VWA3B: variants seen among roughly 807,000 people sequenced by gnomAD.
VWA3B encodes von Willebrand factor A domain containing 3B.
In VWA3B, 138 loss-of-function variants were observed where a neutral mutation model predicts 158.3. The observed-to-expected ratio is 0.87, with a 90% CI of 0.76 to 1.00. VWA3B has a LOEUF of 1.00. VWA3B is among the 50% of genes least tolerant of loss of function. VWA3B has a pLI of 0.00. For synonymous variants in VWA3B, 596 were observed against 587.3 expected (o/e 1.01, Z -0.21); for missense variants, 1,555 against 1,565.1 (o/e 0.99, Z 0.11).
At chr2:98,262,912 A>G (rs1311597681) in intron 21 of VWA3B, among the ~76,000 whole-genome samples, 2 of 151,900 alleles carry the variant, frequency 1.3e-5, no homozygotes, top group Non-Finnish European at 2.9e-5. Flanking sequence ...TCAATCCATG[A>G]ACACAAAATG....
intron 26 of VWA3B, among the ~76,000 whole-genome samples, chr2:98,305,482 G>A (rs970844610): frequency 1.2e-4 from 19 of 152,128 alleles, no homozygotes; most frequent in African/African-American, 3.6e-4. Flanking sequence ...GATTGGGGAC[G>A]GTCATTGTCT....
At chr2:98,272,731 A>G (rs1490755703) in intron 22 of VWA3B, among the ~76,000 whole-genome samples, 2 of 152,236 alleles carry the variant, frequency 1.3e-5, no homozygotes, top group Non-Finnish European at 2.9e-5. Context: ...AAAGAAATGT[A>G]TATCTATATG....
At chr2:98,236,101 T>A (rs1232397079) in intron 17 of VWA3B, among the ~76,000 whole-genome samples, 2 of 152,186 alleles carry the variant, frequency 1.3e-5, no homozygotes, top group Non-Finnish European at 2.9e-5. Flanking sequence ...GTTAATGGTA[T>A]TTTTATTGCA....
chr2:98,138,410 C>A (rs1269419868), intron 7 of VWA3B, among the ~76,000 whole-genome samples: 1 of 152,188 alleles, frequency 6.6e-6, no homozygotes, highest in Non-Finnish European at 1.5e-5. Context: ...CTCCTGTATG[C>A]TAGAGAGATC....
Position 98,133,805 on chromosome 2 carries a change from G to A in VWA3B, c.873-19G>A, listed in dbSNP as rs761685560. 5 of 1,610,172 alleles carry A rather than the reference G, an allele frequency of 3.1e-6. No individual in the cohort carries two copies. In the South Asian group the frequency reaches 4.4e-5, roughly 14 times the overall value. Reference sequence around the variant, plus strand: ...CACCTGCGTACTGCCTTCCTAATGAGCATCTCTTCACGTTTCAGATTCCAC... The same window carrying A: ...CACCTGCGTACTGCCTTCCTAATGAACATCTCTTCACGTTTCAGATTCCAC... On this transcript the variant is annotated intron_variant, in intron 6 of 27. Coordinates refer to ENST00000477737, the MANE Select transcript of VWA3B (RefSeq NM_144992.5).
At chr2:98,092,483 C>A (rs1682382889) in intron 1 of VWA3B, among the ~76,000 whole-genome samples, 1 of 151,864 alleles carries the variant, frequency 6.6e-6, no homozygotes, top group Non-Finnish European at 1.5e-5. Context: ...TTTCCACTAA[C>A]AATACAAAAA....
At chr2:98,234,211 G>C (rs979853413) in intron 16 of VWA3B, among the ~76,000 whole-genome samples, 4 of 152,202 alleles carry the variant, frequency 2.6e-5, no homozygotes, top group African/African-American at 9.7e-5. Context: ...TGAAAAGCAG[G>C]GGCTATTTCC....
At chr2:98,156,383 C>T (rs1395325995) in intron 7 of VWA3B, among the ~76,000 whole-genome samples, 1 of 152,196 alleles carries the variant, frequency 6.6e-6, no homozygotes, top group Admixed American at 6.5e-5. Context: ...GAGCTGGGAG[C>T]AGATCCATCT....
At chr2:98,135,106 A>G (rs765302420) in intron 7 of VWA3B, among the ~76,000 whole-genome samples, 2 of 152,222 alleles carry the variant, frequency 1.3e-5, no homozygotes, top group African/African-American at 2.4e-5. Context: ...AATTTACAAG[A>G]TTAAGCCTAG....
At chr2:98,152,511 T>C (rs1232732942) in intron 7 of VWA3B, among the ~76,000 whole-genome samples, 2 of 152,112 alleles carry the variant, frequency 1.3e-5, no homozygotes, top group Non-Finnish European at 2.9e-5. Context: ...TATTTAGTGG[T>C]TTGGGGACTC....
chr2:98,188,037 G>A lies in VWA3B; in HGVS notation c.1374G>A (p.Lys458=), dbSNP rs1157430938. The change falls in exon 10 of 28, where the codon AAG becomes AAA. Residue 458 remains lysine, a synonymous_variant. Coordinates refer to ENST00000477737, the MANE Select transcript of VWA3B (RefSeq NM_144992.5). ...GCAGGTTTGTCCATGCTCCCTGGAAGGATGGGAGCTTGGTCCACGTCAACA... is the reference window on the plus strand; with the variant it reads ...GCAGGTTTGTCCATGCTCCCTGGAAAGATGGGAGCTTGGTCCACGTCAACA... The part of the protein sequence containing the change: ...YCSRFVHAPW[K]DGSLVHVNIT... 4 of 1,614,070 alleles carry A rather than the reference G, an allele frequency of 2.5e-6. No individual in the cohort carries two copies. In the East Asian group the frequency reaches 8.9e-5, roughly 36 times the overall value.
Position 98,298,040 on chromosome 2 carries a change from T to C in VWA3B, c.3282+9T>C, listed in dbSNP as rs776765008. 2.6e-6 allele frequency: 4 copies of C among 1,538,290 alleles called. No individual in the cohort carries two copies. The South Asian group carries it at 5.1e-5, about 19-fold the overall frequency. On this transcript the variant is annotated intron_variant, in intron 24 of 27. Transcript: ENST00000477737. ...CCTGCCCGCTGCTCCAGGTACCCAG[T>C]CCCTGATGTGTTCTGGGGCCCCTTT...
the VWA3B span, among the ~76,000 whole-genome samples, chr2:98,319,877 CA>C: frequency 9.1e-4 from 4 of 4,384 alleles, no homozygotes; most frequent in African/African-American, 3.9e-3. Flanking sequence ...GAGACTCCAT[CA>C]CACACACACA....
intron 22 of VWA3B, among the ~76,000 whole-genome samples, chr2:98,281,002 ATGCCCTG>A (rs1688845791): frequency 6.6e-6 from 1 of 152,162 alleles, no homozygotes; most frequent in Non-Finnish European, 1.5e-5. Context: ...TAAAGTGCAA[ATGCCCTG>A]GGAAGGAAGG....
intron 5 of VWA3B, among the ~76,000 whole-genome samples, chr2:98,124,624 CA>C (rs902998710): frequency 1.3e-5 from 2 of 152,190 alleles, no homozygotes; most frequent in Non-Finnish European, 2.9e-5. Flanking sequence ...TTGCAGTGTT[CA>C]AAGGTGTACG....
At chr2:98,316,876 A>G (rs890314992), downstream of VWA3B, among the ~76,000 whole-genome samples, 1 of 151,804 alleles carries the variant, frequency 6.6e-6, no homozygotes, top group Admixed American at 6.6e-5. Context: ...TTCACCTTCC[A>G]CCATAATTGG....
intron 22 of VWA3B, among the ~76,000 whole-genome samples, chr2:98,271,981 G>C (rs140377868): frequency 6.6e-6 from 1 of 152,148 alleles, no homozygotes; most frequent in Non-Finnish European, 1.5e-5. Flanking sequence ...CGGTGCTCTC[G>C]CACCACAACA....
At chr2:98,317,315 A>G (rs1691107813), downstream of VWA3B, among the ~76,000 whole-genome samples, 1 of 148,270 alleles carries the variant, frequency 6.7e-6, no homozygotes, top group African/African-American at 2.5e-5. Context: ...GTGGTAAACC[A>G]AAAATAAAAT....
chr2:98,271,941 G>GGT lies in VWA3B; in HGVS notation c.3045+1066_3045+1067dup, dbSNP rs755822943. ...AGTGTTGGAGGTGGGACATTTAAGAGGTGTGTGTGGGAAAAACAGTTCTCT... is the reference window on the plus strand; with the variant it reads ...AGTGTTGGAGGTGGGACATTTAAGAGGTGTGTGTGTGGGAAAAACAGTTCTCT... On this transcript the variant is annotated intron_variant, in intron 22 of 27. Coordinates refer to ENST00000477737, the MANE Select transcript of VWA3B (RefSeq NM_144992.5). 3.2e-4 allele frequency among the ~76,000 whole-genome samples: 48 copies of GGT among 152,316 alleles called. No homozygotes were observed. The East Asian group carries it at 5.0e-3, about 16-fold the overall frequency.
Sources: gnomAD v4.1 joint callset for allele counts (sites outside exome capture counted in the v4.1 genomes callset) on GRCh38, gnomAD v4.1.1 for gene constraint, MANE v1.5 for transcripts, NCBI Gene and HGNC (gene_info 2026-07-23, HGNC 2026-07-21) for gene names.